SLC8A1: variants seen among roughly 807,000 people sequenced by gnomAD.
SLC8A1 encodes the protein sodium/calcium exchanger 1.
In SLC8A1, 18 loss-of-function variants were observed where a neutral mutation model predicts 68.3. That is an observed-to-expected ratio of 0.26 (90% confidence interval 0.18 to 0.39). The LOEUF (loss-of-function observed/expected upper bound fraction) is 0.39, where lower values mean the gene tolerates loss of function less well. SLC8A1 is among the 10% of genes least tolerant of loss of function. The pLI, the probability that SLC8A1 is intolerant of heterozygous loss-of-function variation, is 1.00. For synonymous variants in SLC8A1, 475 were observed against 415.5 expected (o/e 1.14, Z -1.74); for missense variants, 985 against 1,156.7 (o/e 0.85, Z 2.15).
At chr2:40,192,743 T>C (rs1049984164) in intron 2 of SLC8A1, among the ~76,000 whole-genome samples, 1 of 152,204 alleles carries the variant, frequency 6.6e-6, no homozygotes, top group Non-Finnish European at 1.5e-5. Flanking sequence ...GAATACTTTT[T>C]TTTATTGAGT....
chr2:40,188,187 C>T (rs886076080), intron 2 of SLC8A1, among the ~76,000 whole-genome samples: 3 of 152,134 alleles, frequency 2.0e-5, no homozygotes, highest in African/African-American at 4.8e-5. Context: ...TTCTTGGCAT[C>T]GTCAAACTTA....
intron 2 of SLC8A1, among the ~76,000 whole-genome samples, chr2:40,364,418 G>A (rs80239441): frequency 0.025 from 3,778 of 149,596 alleles, 61 homozygotes; most frequent in Non-Finnish European, 0.037. Flanking sequence ...AAAAATGTAA[G>A]TACAGTAAGC....
chr2:40,202,505 T>C (rs918127964), intron 2 of SLC8A1, among the ~76,000 whole-genome samples: 1 of 152,008 alleles, frequency 6.6e-6, no homozygotes, highest in African/African-American at 2.4e-5. Flanking sequence ...TGCTTCAACT[T>C]TGCATTTCTG....
intron 1 of SLC8A1, among the ~76,000 whole-genome samples, chr2:40,491,330 A>T (rs1011832140): frequency 6.6e-5 from 10 of 152,024 alleles, no homozygotes; most frequent in Non-Finnish European, 1.5e-4. Flanking sequence ...TTGTACATTG[A>T]TTTTGTATCC....
chr2:40,238,103 C>G (rs1041328415), intron 2 of SLC8A1, among the ~76,000 whole-genome samples: 8 of 152,230 alleles, frequency 5.3e-5, no homozygotes, highest in Non-Finnish European at 5.9e-5. Flanking sequence ...CAGAGGCAGG[C>G]AGGCCTCCTT....
intron 7 of SLC8A1, among the ~76,000 whole-genome samples, chr2:40,126,881 G>A (rs996377217): frequency 1.3e-5 from 2 of 152,084 alleles, no homozygotes; most frequent in African/African-American, 4.8e-5. Context: ...CCCCACCTCC[G>A]CCATGCCCAA....
rs1461778247 is a variant in SLC8A1 at position 40,164,755 on chromosome 2, C to T, written c.2061+99G>A. 6.9e-6 allele frequency: 10 copies of T among 1,457,272 alleles called. No homozygotes were observed. In the Admixed American group the frequency reaches 1.8e-4, roughly 26 times the overall value. 90.3% of individuals were successfully genotyped at this position (1,457,272 alleles called of 1,614,324 possible). ...AAGCCAGTTCCTGAAATTACATCTA[C>T]TACTCTTTCCAGGTGGATCTTAAGC... is the stretch of plus-strand genomic sequence containing the variant. On this transcript the variant is annotated intron_variant, in intron 5 of 7. Coordinates refer to ENST00000406785, the Ensembl canonical transcript of SLC8A1.
chr2:40,455,990 C>T (rs190897307), upstream of SLC8A1, among the ~76,000 whole-genome samples: 46 of 149,408 alleles, frequency 3.1e-4, no homozygotes, highest in Non-Finnish European at 5.9e-5. Flanking sequence ...CATCAGGGAC[C>T]TGCAATTCTA....
chr2:40,378,757 C>T (rs1475945324), intron 2 of SLC8A1, among the ~76,000 whole-genome samples: 2 of 152,006 alleles, frequency 1.3e-5, no homozygotes, highest in East Asian at 3.9e-4. Flanking sequence ...CACACATGCT[C>T]CTGTTCCTGT....
exon 8 of SLC8A1, chr2:40,113,531 CA>C (rs5549): frequency 0.59 from 89,857 of 152,528 alleles, 27,003 homozygotes; most frequent in East Asian, 0.79. Context: ...GTAGAGGAGA[CA>C]ACACTTTTAA....
At chr2:40,200,233 TA>T (rs2054028494) in intron 2 of SLC8A1, among the ~76,000 whole-genome samples, 1 of 32,202 alleles carries the variant, frequency 3.1e-5, no homozygotes, top group African/African-American at 9.2e-5. Flanking sequence ...TTTATATATA[TA>T]TATAAATATA....
At chr2:40,291,233 T>A (rs2069249503) in intron 2 of SLC8A1, among the ~76,000 whole-genome samples, 1 of 152,098 alleles carries the variant, frequency 6.6e-6, no homozygotes, top group Non-Finnish European at 1.5e-5. Context: ...AACTTTCCAG[T>A]CTAAAATGTC....
intron 7 of SLC8A1, among the ~76,000 whole-genome samples, chr2:40,121,337 TC>T (rs2125105906): frequency 6.6e-6 from 1 of 152,308 alleles, no homozygotes; most frequent in Non-Finnish European, 1.5e-5. Context: ...TTGGGGGCCT[TC>T]CTGCGAGTAA....
intron 7 of SLC8A1, among the ~76,000 whole-genome samples, chr2:40,122,204 GCGCA>G (rs1384000572): frequency 9.1e-6 from 1 of 109,890 alleles, no homozygotes; most frequent in African/African-American, 2.7e-5. Flanking sequence ...GCATGCGCGC[GCGCA>G]CACACACACA....
intron 1 of SLC8A1, among the ~76,000 whole-genome samples, chr2:40,490,918 A>G (rs1158395801): frequency 6.6e-6 from 1 of 152,140 alleles, no homozygotes; most frequent in Non-Finnish European, 1.5e-5. Context: ...ATCAGGAATA[A>G]TGAAGAATTG....
intron 2 of SLC8A1, among the ~76,000 whole-genome samples, chr2:40,408,888 A>G (rs1691227150): frequency 6.6e-6 from 1 of 152,162 alleles, no homozygotes; most frequent in African/African-American, 2.4e-5. Context: ...AAATAGAAAA[A>G]AAATATAGCC....
chr2:40,373,917 G>C (rs1458483428), intron 2 of SLC8A1, among the ~76,000 whole-genome samples: 2 of 152,072 alleles, frequency 1.3e-5, no homozygotes, highest in Non-Finnish European at 2.9e-5. Flanking sequence ...AAACAAGTGT[G>C]CATAAAATGG....
intron 2 of SLC8A1, among the ~76,000 whole-genome samples, chr2:40,183,485 A>T (rs2148600054): frequency 6.6e-6 from 1 of 152,356 alleles, no homozygotes; most frequent in South Asian, 2.1e-4. Flanking sequence ...AGCGATGAGC[A>T]TGCAATGGCT....
chr2:40,130,961 A>G (rs1007408203), intron 7 of SLC8A1, among the ~76,000 whole-genome samples: 5 of 152,246 alleles, frequency 3.3e-5, no homozygotes, highest in African/African-American at 1.2e-4. Flanking sequence ...TCAGTTTTCA[A>G]TTGCTGCAAT....
Sources: allele counts gnomAD v4.1 joint callset (sites outside exome capture counted in the v4.1 genomes callset), GRCh38; gene constraint gnomAD v4.1.1; transcripts MANE v1.5; gene names NCBI Gene and HGNC (gene_info 2026-07-23, HGNC 2026-07-21).